Variants in MEF2C observed in about 807,000 individuals in gnomAD.
The protein encoded by MEF2C is myocyte enhancer factor 2C.
Under a neutral mutation model 50.5 loss-of-function variants are expected in MEF2C, and 6 were observed. That is an observed-to-expected ratio of 0.12 (90% CI 0.07 to 0.23). MEF2C has a LOEUF of 0.23. MEF2C is among the 10% of genes least tolerant of loss of function. The pLI is 1.00. For missense variants in MEF2C, 276 were observed against 605.0 expected (o/e 0.46, Z 5.70); for synonymous variants, 183 against 228.0 (o/e 0.80, Z 1.78).
intron 3 of MEF2C, among the ~76,000 whole-genome samples, chr5:88,796,103 T>C (rs1795928133): frequency 6.6e-6 from 1 of 152,206 alleles, no homozygotes; most frequent in Non-Finnish European, 1.5e-5. Context: ...AAATTTTCTT[T>C]TTTTGTTGTG....
intron 1 of MEF2C, among the ~76,000 whole-genome samples, chr5:88,851,530 T>C (rs1176766532): frequency 1.3e-5 from 2 of 152,270 alleles, no homozygotes; most frequent in South Asian, 2.1e-4. Context: ...AATCAACCTG[T>C]ACAAGTATTG....
intron 1 of MEF2C, among the ~76,000 whole-genome samples, chr5:88,844,880 G>T (rs1016922023): frequency 2.6e-5 from 4 of 152,182 alleles, no homozygotes; most frequent in Non-Finnish European, 4.4e-5. Flanking sequence ...GGAAAAATGT[G>T]CTGCTAAAGG....
At chr5:88,884,854 C>T (rs1467662767), upstream of MEF2C, among the ~76,000 whole-genome samples, 3 of 150,646 alleles carry the variant, frequency 2.0e-5, no homozygotes, top group African/African-American at 7.3e-5. Context: ...GGGCACCTCC[C>T]GCCCTAACCA....
chr5:88,739,913 TAC>T, intron 6 of MEF2C: 2 of 985,300 alleles, frequency 2.0e-6, no homozygotes, highest in Non-Finnish European at 2.4e-6. Context: ...TAGGGATTCT[TAC>T]ACACAAAATA....
intron 4 of MEF2C, among the ~76,000 whole-genome samples, chr5:88,752,394 G>C (rs992910982): frequency 6.6e-6 from 1 of 152,334 alleles, no homozygotes; most frequent in East Asian, 1.9e-4. Flanking sequence ...GTGCCTGATT[G>C]TGATGACTTC....
intron 2 of MEF2C, among the ~76,000 whole-genome samples, chr5:88,808,393 G>A (rs775474342): frequency 6.6e-6 from 1 of 152,066 alleles, no homozygotes; most frequent in Non-Finnish European, 1.5e-5. Flanking sequence ...AATTTTGCAC[G>A]TTACAACACT....
intron 10 of MEF2C, 34 bp downstream of exon 10, chr5:88,728,459 C>A (rs1759883443): frequency 5.2e-6 from 7 of 1,341,754 alleles, no homozygotes; most frequent in Middle Eastern, 5.6e-4. Flanking sequence ...AAAATACATT[C>A]TAAAATTATA....
intron 3 of MEF2C, among the ~76,000 whole-genome samples, chr5:88,789,634 C>T (rs1407050696): frequency 6.6e-6 from 1 of 152,068 alleles, no homozygotes; most frequent in African/African-American, 2.4e-5. Flanking sequence ...TTTTCAGAAT[C>T]TAATTAACCT....
intron 1 of MEF2C, among the ~76,000 whole-genome samples, chr5:88,826,372 G>A (rs564967719): frequency 4.1e-4 from 62 of 151,984 alleles, no homozygotes; most frequent in African/African-American, 1.3e-3. Flanking sequence ...TTGAGGTATT[G>A]CCTTCAGAAC....
At chr5:88,743,342 T>C (rs1767754530) in intron 6 of MEF2C, 1 of 985,370 alleles carries the variant, frequency 1.0e-6, no homozygotes, top group Non-Finnish European at 1.2e-6. Context: ...TAAGTAAGAA[T>C]TGCAGAGAAG....
chr5:88,739,186 A>T, intron 6 of MEF2C: 1 of 976,234 alleles, frequency 1.0e-6, no homozygotes, highest in Non-Finnish European at 1.2e-6. Context: ...ATATAAATGT[A>T]TAAAAATAAT....
chr5:88,854,129 A>G (rs159949), intron 1 of MEF2C, among the ~76,000 whole-genome samples: 9,191 of 152,272 alleles, frequency 0.06, 448 homozygotes, highest in Admixed American at 0.16. Flanking sequence ...TATAAGAACC[A>G]TATTTTTGGT....
At chr5:88,798,489 C>T (rs1413267958) in intron 3 of MEF2C, among the ~76,000 whole-genome samples, 1 of 152,020 alleles carries the variant, frequency 6.6e-6, no homozygotes, top group Non-Finnish European at 1.5e-5. Context: ...TCAGTTCTAT[C>T]AGGTCATTTA....
intron 3 of MEF2C, among the ~76,000 whole-genome samples, chr5:88,799,870 T>TCACACACACACACA (rs60340884): frequency 1.9e-5 from 2 of 107,416 alleles, no homozygotes; most frequent in African/African-American, 6.4e-5. Flanking sequence ...TCTCTCTCTC[T>TCACACACACACACA]CACACACACA....
chr5:88,894,534 A>G (rs1834914492), intron 1 of MEF2C, among the ~76,000 whole-genome samples: 1 of 152,202 alleles, frequency 6.6e-6, no homozygotes, highest in Non-Finnish European at 1.5e-5. Context: ...CAGTCTTAAA[A>G]CTGGCCTGAT....
chr5:88,852,012 C>A (rs1451992773), intron 1 of MEF2C, among the ~76,000 whole-genome samples: 1 of 152,006 alleles, frequency 6.6e-6, no homozygotes, highest in Non-Finnish European at 1.5e-5. Flanking sequence ...TCCATAATGA[C>A]AAGTGAAAAC....
At chr5:88,737,675 G>A (rs554943205) in intron 6 of MEF2C, 96 of 985,210 alleles carry the variant, frequency 9.7e-5, no homozygotes, top group Middle Eastern at 5.2e-4. Context: ...GAGGCTTTGC[G>A]GAGAGAAGGA....
intron 6 of MEF2C, among the ~76,000 whole-genome samples, chr5:88,744,645 G>A (rs984039561): frequency 2.0e-5 from 3 of 152,206 alleles, no homozygotes; most frequent in African/African-American, 4.8e-5. Flanking sequence ...TTAAGTAGTG[G>A]ATGAATAACC....
At chr5:88,869,951 A>G (rs1300876133) in intron 1 of MEF2C, among the ~76,000 whole-genome samples, 2 of 151,570 alleles carry the variant, frequency 1.3e-5, no homozygotes, top group Non-Finnish European at 2.9e-5. Context: ...TAGGGAAATC[A>G]GTACTATATA....
Sources: gnomAD v4.1 joint callset for allele counts (sites outside exome capture counted in the v4.1 genomes callset) on GRCh38, gnomAD v4.1.1 for gene constraint, MANE v1.5 for transcripts, NCBI Gene and HGNC (gene_info 2026-07-23, HGNC 2026-07-21) for gene names.